The following ACYP2 variants were observed in gnomAD, a reference collection of about 807,000 sequenced individuals.
ACYP2 encodes acylphosphatase-2.
Under a neutral mutation model 11.2 loss-of-function variants are expected in ACYP2, and 12 were observed. That is an observed-to-expected ratio of 1.08 (90% CI 0.69 to 1.74). The LOEUF is 1.74. Among genes scored for constraint, ACYP2 ranks in the 40% most tolerant of loss-of-function variants. The pLI is 0.00. For synonymous variants in ACYP2, 43 were observed against 32.2 expected (o/e 1.33, Z -1.13); for missense variants, 134 against 101.9 (o/e 1.31, Z -1.35).
intron 6 of ACYP2, among the ~76,000 whole-genome samples, chr2:54,284,576 ACAT>A (rs1218817781): frequency 1.3e-5 from 2 of 151,610 alleles, no homozygotes; most frequent in Non-Finnish European, 1.5e-5. Context: ...GCTCTCTTTC[ACAT>A]CATCACCTTT....
chr2:54,115,017 G>T (rs894666742), intron 4 of ACYP2, among the ~76,000 whole-genome samples: 15 of 152,072 alleles, frequency 9.9e-5, no homozygotes, highest in Non-Finnish European at 2.1e-4. Flanking sequence ...GGAGTGGGGT[G>T]GGGGACCTGG....
At chr2:54,290,968 A>T (rs1689280303) in intron 6 of ACYP2, among the ~76,000 whole-genome samples, 3 of 152,196 alleles carry the variant, frequency 2.0e-5, no homozygotes, top group Admixed American at 2.0e-4. Flanking sequence ...AGATGTATAC[A>T]GCTGCTCTCT....
chr2:54,197,488 A>G (rs1317724163), intron 6 of ACYP2, among the ~76,000 whole-genome samples: 1 of 152,222 alleles, frequency 6.6e-6, no homozygotes. Flanking sequence ...AAAGCAATAC[A>G]TTAGTAAGCA....
At chr2:54,183,777 A>T (rs1683854767) in intron 6 of ACYP2, among the ~76,000 whole-genome samples, 1 of 152,338 alleles carries the variant, frequency 6.6e-6, no homozygotes, top group African/African-American at 2.4e-5. Context: ...GAATGTATTT[A>T]ATCTGAACAT....
At chr2:54,280,286 G>T (rs1688788134) in intron 6 of ACYP2, among the ~76,000 whole-genome samples, 1 of 152,136 alleles carries the variant, frequency 6.6e-6, no homozygotes, top group Non-Finnish European at 1.5e-5. Context: ...CTGTCCAGGG[G>T]GTGGTTGAAA....
At chr2:54,236,875 C>G (rs566834118) in intron 6 of ACYP2, among the ~76,000 whole-genome samples, 2 of 152,228 alleles carry the variant, frequency 1.3e-5, no homozygotes, top group South Asian at 2.1e-4. Flanking sequence ...AGTATTATCT[C>G]TTAATAGAGA....
intron 2 of ACYP2, among the ~76,000 whole-genome samples, chr2:54,032,041 A>G (rs957966215): frequency 1.3e-5 from 2 of 152,070 alleles, no homozygotes; most frequent in African/African-American, 2.4e-5. Flanking sequence ...TTGTCAGATG[A>G]GTAGATTGCA....
intron 6 of ACYP2, among the ~76,000 whole-genome samples, chr2:54,165,506 C>T (rs1053357652): frequency 1.4e-5 from 2 of 140,730 alleles, no homozygotes; most frequent in African/African-American, 2.8e-5. Context: ...CTCTGTCTCT[C>T]TCTCTTTCAC....
chr2:54,240,951 G>T (rs1176853488), intron 6 of ACYP2, among the ~76,000 whole-genome samples: 3 of 152,186 alleles, frequency 2.0e-5, no homozygotes, highest in Non-Finnish European at 4.4e-5. Flanking sequence ...TGTTCTCATT[G>T]AGGTAATGAG....
intron 4 of ACYP2, among the ~76,000 whole-genome samples, chr2:54,111,693 G>A (rs1265449310): frequency 6.6e-6 from 1 of 152,208 alleles, no homozygotes; most frequent in Non-Finnish European, 1.5e-5. Context: ...TACCTATAAA[G>A]TATTCCTTCC....
chr2:54,160,578 C>G (rs896310957), intron 6 of ACYP2, among the ~76,000 whole-genome samples: 1 of 152,110 alleles, frequency 6.6e-6, no homozygotes, highest in Non-Finnish European at 1.5e-5. Flanking sequence ...TGAATGGTGA[C>G]AAGCATGTCA....
At chr2:54,256,256 G>A (rs1426335255) in intron 6 of ACYP2, 3 of 1,343,288 alleles carry the variant, frequency 2.2e-6, no homozygotes, top group Non-Finnish European at 3.1e-6. Flanking sequence ...CATTTGCGCC[G>A]CCCACTCTTC....
At chr2:54,081,392 C>T (rs1261992826) in intron 4 of ACYP2, among the ~76,000 whole-genome samples, 1 of 152,158 alleles carries the variant, frequency 6.6e-6, no homozygotes, top group Non-Finnish European at 1.5e-5. Flanking sequence ...ACGGTAGCCC[C>T]ATAAGATTAT....
chr2:54,207,173 A>ATGTGTGTGTGTGTGTGTG (rs58920943), intron 6 of ACYP2, among the ~76,000 whole-genome samples: 4,026 of 138,580 alleles, frequency 0.029, 93 homozygotes, highest in East Asian at 0.064. Flanking sequence ...CAACATGTAT[A>ATGTGTGTGTGTGTGTGTG]TGTGTGTGTG....
chr2:54,274,625 CAAAAAAA>C (rs70944155), intron 6 of ACYP2, among the ~76,000 whole-genome samples: 6 of 37,686 alleles, frequency 1.6e-4, no homozygotes, highest in East Asian at 8.3e-4. Context: ...GACTCCATCT[CAAAAAAA>C]AAAAAAAAAA....
At chr2:53,978,845 C>T (rs544124950) in intron 2 of ACYP2, among the ~76,000 whole-genome samples, 19 of 152,244 alleles carry the variant, frequency 1.2e-4, no homozygotes, top group African/African-American at 4.6e-4. Context: ...ATGGCCTAAG[C>T]CTGGGAGGCA....
intron 2 of ACYP2, among the ~76,000 whole-genome samples, chr2:54,050,547 GAAAAA>G (rs58128669): frequency 2.4e-5 from 2 of 83,202 alleles, no homozygotes; most frequent in Non-Finnish European, 5.2e-5. Flanking sequence ...CCCCATCCCT[GAAAAA>G]AAAAAAAAAA....
intron 6 of ACYP2, among the ~76,000 whole-genome samples, chr2:54,225,028 A>T (rs955038262): frequency 6.6e-6 from 1 of 152,210 alleles, no homozygotes; most frequent in Non-Finnish European, 1.5e-5. Flanking sequence ...AAGATAAGGA[A>T]AGGATTACCA....
At chr2:54,163,314 T>G (rs1188564279) in intron 6 of ACYP2, among the ~76,000 whole-genome samples, 1 of 152,184 alleles carries the variant, frequency 6.6e-6, no homozygotes, top group Non-Finnish European at 1.5e-5. Context: ...AAGAGACAAT[T>G]TATAGAATGT....
Sources: allele counts gnomAD v4.1 joint callset (sites outside exome capture counted in the v4.1 genomes callset), GRCh38; gene constraint gnomAD v4.1.1; transcripts MANE v1.5; gene names NCBI Gene and HGNC (gene_info 2026-07-23, HGNC 2026-07-21).